EXOC6: variants seen among roughly 807,000 people sequenced by gnomAD.
EXOC6 encodes the protein SEC15-like 1.
Under a neutral mutation model 112.5 loss-of-function variants are expected in EXOC6, and 60 were observed. The ratio of observed to expected loss-of-function variants is 0.53; its 90% confidence interval spans 0.43 to 0.66. The LOEUF is 0.66. Among genes scored for constraint, EXOC6 ranks in the 30% least tolerant of loss-of-function variants. The pLI is 0.00. For synonymous variants in EXOC6, 295 were observed against 308.0 expected (o/e 0.96, Z 0.44); for missense variants, 855 against 957.1 (o/e 0.89, Z 1.41).
rs1851054278 is a variant in EXOC6, at chr10:92,915,897, A to T, written c.803A>T (p.Asp268Val). ...TVLKHSLEEE[D>V]ENEEEILTVQ... The stretch of plus-strand genomic sequence containing the variant: ...TTGAAACATTCACTTGAAGAAGAGG[A>T]TGAGAATGAAGAAGAGGTGATAGGT... Residue 268 changes from aspartate (D) to valine (V), a missense_variant, in exon 7 of 22, where the codon GAT becomes GTT. Physicochemically the swap from Asp to Val is radical, Grantham distance 152. Transcript: ENST00000260762. 1 of 1,538,954 alleles carries T rather than the reference A, an allele frequency of 6.5e-7. No homozygotes were observed. Among genetic ancestry groups the T allele is most frequent in the Admixed American group, 2.4e-5 (1 of 41,420 alleles).
In EXOC6 at chr10:92,896,139, ATGTATG is replaced by A. The variant is rs1338417696; in HGVS notation, c.412+1125_412+1130del. ...TATATATGTGTGTGTGTGTGTGTGT[ATGTATG>A]TGTATATATATATATATATATATAT... On this transcript the variant is annotated intron_variant, in intron 4 of 21. Coordinates refer to ENST00000260762, the MANE Select transcript of EXOC6 (RefSeq NM_019053.6). 1.7e-4 allele frequency among the ~76,000 whole-genome samples: 5 copies of A among 28,918 alleles called. 1 individual carries two copies. The highest frequency in any genetic ancestry group is 7.5e-4 in the African/African-American group (5 of 6,688). 19.0% of individuals were successfully genotyped at this position (28,918 alleles called of 152,430 possible).
chr10:92,859,003 G>A (rs1469660956), intron 1 of EXOC6, among the ~76,000 whole-genome samples: 1 of 152,184 alleles, frequency 6.6e-6, no homozygotes, highest in African/African-American at 2.4e-5. Flanking sequence ...GACCTCAGGT[G>A]ATCCACCTGC....
intron 20 of EXOC6, among the ~76,000 whole-genome samples, chr10:93,028,412 G>C (rs1485076802): frequency 6.6e-6 from 1 of 152,218 alleles, no homozygotes; most frequent in Non-Finnish European, 1.5e-5. Context: ...ACTGGAGCCT[G>C]AAAATGTGAT....
intron 20 of EXOC6, among the ~76,000 whole-genome samples, chr10:93,032,878 C>T (rs968534211): frequency 2.6e-5 from 4 of 152,068 alleles, no homozygotes; most frequent in Non-Finnish European, 4.4e-5. Context: ...CTCTTTAAGG[C>T]GGTGGCATTT....
chr10:93,026,268 T>G (rs1845019678), intron 20 of EXOC6, among the ~76,000 whole-genome samples: 1 of 152,198 alleles, frequency 6.6e-6, no homozygotes, highest in South Asian at 2.1e-4. Context: ...AGGAGTGGAA[T>G]TGCTGAGTCA....
chr10:92,993,787 G>A (rs1843364905), intron 18 of EXOC6, among the ~76,000 whole-genome samples: 1 of 152,162 alleles, frequency 6.6e-6, no homozygotes, highest in Admixed American at 6.5e-5. Context: ...TTTAAACTGA[G>A]GGTTGGTGGT....
intron 1 of EXOC6, among the ~76,000 whole-genome samples, chr10:92,867,006 A>G (rs1017583017): frequency 6.6e-5 from 10 of 152,138 alleles, no homozygotes; most frequent in Non-Finnish European, 1.5e-4. Flanking sequence ...ATTAATAGAG[A>G]TAACTTGTTT....
chr10:92,937,606 C>T (rs558079417), intron 12 of EXOC6, among the ~76,000 whole-genome samples: 8 of 152,064 alleles, frequency 5.3e-5, no homozygotes, highest in South Asian at 4.1e-4. Flanking sequence ...ATTTTAACAG[C>T]GGGATAAGGT....
chr10:93,025,255 C>T (rs1484877771), intron 20 of EXOC6, among the ~76,000 whole-genome samples: 1 of 152,122 alleles, frequency 6.6e-6, no homozygotes, highest in Admixed American at 6.6e-5. Flanking sequence ...TCCTAGACTG[C>T]ATTCATGAAA....
At chr10:93,045,015 G>A (rs1327379761) in intron 20 of EXOC6, among the ~76,000 whole-genome samples, 1 of 141,028 alleles carries the variant, frequency 7.1e-6, no homozygotes, top group Non-Finnish European at 1.5e-5. Flanking sequence ...TGGGACTACA[G>A]GTACCCGCCA....
At chr10:92,882,526 A>C (rs1438658107) in intron 1 of EXOC6, among the ~76,000 whole-genome samples, 1 of 136,822 alleles carries the variant, frequency 7.3e-6, no homozygotes, top group Admixed American at 8.1e-5. Context: ...CCTGGGCAAC[A>C]TGAGTGAGGC....
intron 1 of EXOC6, chr10:92,834,887 C>A: frequency 1.1e-6 from 1 of 939,168 alleles, no homozygotes. Context: ...CTTTACCCTG[C>A]TTTTTATAAT....
intron 20 of EXOC6, among the ~76,000 whole-genome samples, chr10:93,029,763 C>A (rs1251961605): frequency 6.6e-6 from 1 of 152,130 alleles, no homozygotes; most frequent in African/African-American, 2.4e-5. Context: ...TTTTACCACT[C>A]ATATTTAAGT....
chr10:92,849,923 A>G (rs1360032704), intron 1 of EXOC6, among the ~76,000 whole-genome samples: 1 of 152,210 alleles, frequency 6.6e-6, no homozygotes, highest in African/African-American at 2.4e-5. Flanking sequence ...AACACCAAGC[A>G]TGTGGTAGGC....
At chr10:92,845,922 A>C (rs1349059260), upstream of EXOC6, among the ~76,000 whole-genome samples, 1 of 152,244 alleles carries the variant, frequency 6.6e-6, no homozygotes, top group Non-Finnish European at 1.5e-5. Flanking sequence ...TGGGTAACAA[A>C]AGCGAAACTC....
chr10:93,013,211 G>A (rs1844338341), intron 19 of EXOC6, among the ~76,000 whole-genome samples: 2 of 152,030 alleles, frequency 1.3e-5, no homozygotes, highest in Admixed American at 1.3e-4. Flanking sequence ...TATGTTAGTA[G>A]TATTAAAAAT....
At chr10:92,858,994 AC>A (rs1847762898) in intron 1 of EXOC6, among the ~76,000 whole-genome samples, 1 of 151,944 alleles carries the variant, frequency 6.6e-6, no homozygotes, top group African/African-American at 2.4e-5. Context: ...TGAACTCCTG[AC>A]CTCAGGTGAT....
chr10:93,048,831 TC>T (rs1846135139), intron 20 of EXOC6, among the ~76,000 whole-genome samples: 1 of 151,890 alleles, frequency 6.6e-6, no homozygotes, highest in Non-Finnish European at 1.5e-5. Flanking sequence ...TAATTAAATA[TC>T]TATTTGTTGT....
intron 1 of EXOC6, among the ~76,000 whole-genome samples, chr10:92,868,648 G>T (rs1321985248): frequency 6.6e-6 from 1 of 152,102 alleles, no homozygotes; most frequent in Admixed American, 6.5e-5. Context: ...GCATGTTGAT[G>T]ATATTGAGTC....
Sources: allele counts gnomAD v4.1 joint callset (sites outside exome capture counted in the v4.1 genomes callset), GRCh38; gene constraint gnomAD v4.1.1; transcripts MANE v1.5; gene names NCBI Gene and HGNC (gene_info 2026-07-23, HGNC 2026-07-21).